MAN2B2: variants seen among roughly 807,000 people sequenced by gnomAD.
The protein encoded by MAN2B2 is mannosidase alpha class 2B member 2, also known as epididymis-specific alpha-mannosidase.
Under a neutral mutation model 117.1 loss-of-function variants are expected in MAN2B2, and 106 were observed. The ratio of observed to expected loss-of-function variants is 0.90; its 90% CI spans 0.77 to 1.06. The LOEUF (loss-of-function observed/expected upper bound fraction) is 1.06. Ranked by LOEUF, MAN2B2 falls within the 50% of genes least tolerant of loss-of-function variation. The pLI is 0.00. For synonymous variants in MAN2B2, 544 were observed against 595.1 expected, an observed-to-expected ratio of 0.91 and a Z score of 1.25; for missense variants, 1,326 against 1,381.4, an observed-to-expected ratio of 0.96 and a Z score of 0.64.
chr4:6,586,773 A>G (rs1039376746), intron 3 of MAN2B2, among the ~76,000 whole-genome samples: 1 of 152,218 alleles, frequency 6.6e-6, no homozygotes. Context: ...ACTTAACTAT[A>G]CACTCACAAA....
intron 3 of MAN2B2, among the ~76,000 whole-genome samples, chr4:6,582,026 G>C (rs755448059): frequency 1.3e-5 from 2 of 152,036 alleles, no homozygotes; most frequent in East Asian, 3.9e-4. Context: ...GATGTTTAGC[G>C]GAGGCCCAGC....
At chr4:6,575,433 G>C in intron 1 of MAN2B2, 85 bp downstream of exon 1, 1 of 1,087,146 alleles carries the variant, frequency 9.2e-7, no homozygotes, top group East Asian at 3.1e-5. Context: ...GCGTCCCGGG[G>C]CCCGATGCCG....
intron 7 of MAN2B2, among the ~76,000 whole-genome samples, chr4:6,595,051 C>T (rs1560647315): frequency 6.6e-6 from 1 of 152,228 alleles, no homozygotes; most frequent in South Asian, 2.1e-4. Flanking sequence ...TCTCTTCCTG[C>T]ATGAGTTCCA....
chr4:6,614,057 T>A (rs1711729607), intron 15 of MAN2B2, among the ~76,000 whole-genome samples, 161 bp from the exon 16 acceptor site: 1 of 152,048 alleles, frequency 6.6e-6, no homozygotes, highest in Non-Finnish European at 1.5e-5. Flanking sequence ...CCTGGGGCAT[T>A]GGGAGCACAA....
rs752519523 is a variant in MAN2B2 at position 6,594,674 on chromosome 4, C to T, written c.999C>T (p.His333=). The T allele has an allele frequency of 1.4e-5, 23 of 1,613,212 alleles. No individual in the cohort carries two copies. Among genetic ancestry groups the T allele is most frequent in the South Asian group, 2.2e-5 (2 of 91,060 alleles). Residue 333 remains histidine, a synonymous_variant, in exon 7 of 19, where the codon CAC becomes CAT. Coordinates refer to ENST00000285599, the MANE Select transcript of MAN2B2 (RefSeq NM_015274.3). Reference sequence around the variant, plus strand: ...TGGGCGACTACTTCCGTGCCCTGCACGCTCTCAATGTCACCTGGCGTGTCC... The same window carrying T: ...TGGGCGACTACTTCCGTGCCCTGCATGCTCTCAATGTCACCTGGCGTGTCC... ...ATLGDYFRAL[H]ALNVTWRVRD...
Position 6,611,007 on chromosome 4 carries a change from G to T in MAN2B2, c.2370+17G>T. On this transcript the variant is annotated intron_variant, in intron 14 of 18. Transcript: ENST00000285599. ...CAGGTGGAGGTAGGAGGCACGGTCTGTCCTACAGCAGCCCCTCGCGGCCCC... is the reference window on the plus strand; with the variant it reads ...CAGGTGGAGGTAGGAGGCACGGTCTTTCCTACAGCAGCCCCTCGCGGCCCC... 1 of 1,613,774 alleles carries T rather than the reference G, an allele frequency of 6.2e-7. No homozygotes were observed. The highest frequency in any genetic ancestry group is 8.5e-7 in the Non-Finnish European group (1 of 1,179,710).
rs1363325768 is a variant in MAN2B2, at chr4:6,610,978, TGG to T, written c.2360_2361del (p.Gly787AlafsTer122). 1.2e-6 allele frequency: 2 copies of T among 1,614,028 alleles called. No individual in the cohort carries two copies. The highest frequency in any genetic ancestry group is 2.7e-5 in the African/African-American group (2 of 74,928). On this transcript the variant is annotated frameshift_variant, in exon 14 of 19. Transcript: ENST00000285599. LOFTEE classifies it high-confidence loss of function. ...RAHGISSQGN[G>X]QVEVMLHRRL... Reference sequence around the variant, plus strand: ...CACATGGCATCTCCAGCCAAGGGAATGGGCAGGTGGAGGTAGGAGGCACGGTC... The same window carrying T: ...CACATGGCATCTCCAGCCAAGGGAATGCAGGTGGAGGTAGGAGGCACGGTC...
At chr4:6,578,132 T>A (rs1392974368) in intron 2 of MAN2B2, among the ~76,000 whole-genome samples, 3 of 152,206 alleles carry the variant, frequency 2.0e-5, no homozygotes, top group African/African-American at 7.2e-5. Context: ...TTTCTAAAGT[T>A]TAGAATTAGT....
chr4:6,613,849 AGAAG>A (rs1168212992), intron 15 of MAN2B2, among the ~76,000 whole-genome samples: 2 of 151,828 alleles, frequency 1.3e-5, no homozygotes, highest in Admixed American at 6.6e-5. Context: ...GGAGGGAGGA[AGAAG>A]GAAGGAAAAA....
chr4:6,597,232 G>T lies in MAN2B2; in HGVS notation c.1177G>T (p.Ala393Ser). The change falls in exon 8 of 19, where the codon GCC becomes TCC. Residue 393 changes from alanine (A) to serine (S), a missense_variant. Ala to Ser is a moderately conservative substitution (Grantham distance 99, BLOSUM62 1). Coordinates refer to ENST00000285599, the MANE Select transcript of MAN2B2 (RefSeq NM_015274.3). ...ESMFTRYLWP[A>S]PRGHLDPTWA... ...CATGTTCACACGCTACCTGTGGCCG[G>T]CCCCCCGTGGGCATCTGGACCCCAC... is the stretch of plus-strand genomic sequence containing the variant. The T allele has an allele frequency of 1.2e-6, 2 of 1,605,272 alleles. No individual in the cohort carries two copies. The highest frequency in any genetic ancestry group is 1.7e-6 in the Non-Finnish European group (2 of 1,175,318).
rs1167538870 is a variant in MAN2B2, at chr4:6,576,667, G to A, written c.228G>A (p.Glu76=). 5 of 1,614,032 alleles carry A rather than the reference G, an allele frequency of 3.1e-6. No individual in the cohort carries two copies. The highest frequency in any genetic ancestry group is 4.2e-6 in the Non-Finnish European group (5 of 1,180,020). The change falls in exon 2 of 19, where the codon GAG becomes GAA. Residue 76 remains glutamate, a synonymous_variant. Transcript: ENST00000285599. The part of the protein sequence containing the change: ...RGQQRRFIAV[E]QEFFRLWWDG... ...AGCAGCGCCGGTTCATCGCTGTGGAGCAGGAGTTTTTCCGGCTGTGGTGGG... is the reference window on the plus strand; with the variant it reads ...AGCAGCGCCGGTTCATCGCTGTGGAACAGGAGTTTTTCCGGCTGTGGTGGG...
At chr4:6,592,688 G>A (rs1726903795) in intron 5 of MAN2B2, among the ~76,000 whole-genome samples, 1 of 152,170 alleles carries the variant, frequency 6.6e-6, no homozygotes, top group African/African-American at 2.4e-5. Flanking sequence ...CTACCCCGAG[G>A]CTGCACAGTG....
rs1165674086 is a variant in MAN2B2 at position 6,610,930 on chromosome 4, GC to G, written c.2311del (p.Val772CysfsTer40). On this transcript the variant is annotated frameshift_variant, in exon 14 of 19. Transcript: ENST00000285599. LOFTEE classifies it high-confidence loss of function. ...SAFMEDGKSR[L>X]VLLSERAHGI... ...CCTTCATGGAGGATGGCAAAAGCAG[GC>G]TTGTGTTGCTGTCGGAGCGGGCACA... is the stretch of plus-strand genomic sequence containing the variant. 1 of 1,614,212 alleles carries G rather than the reference GC, an allele frequency of 6.2e-7. No individual in the cohort carries two copies.
At chr4:6,616,980 A>G (rs1711908265) in intron 16 of MAN2B2, among the ~76,000 whole-genome samples, 1 of 151,996 alleles carries the variant, frequency 6.6e-6, no homozygotes, top group South Asian at 2.1e-4. Flanking sequence ...GGTTTAATGG[A>G]CTCACAGTTC....
chr4:6,619,891 G>A (rs376696266), intron 17 of MAN2B2, 36 bp from the exon 18 acceptor site: 15 of 1,580,890 alleles, frequency 9.5e-6, no homozygotes, highest in South Asian at 2.2e-5. Context: ...CTGGAACTTG[G>A]TGCAGCTCAC....
intron 17 of MAN2B2, chr4:6,618,894 G>A (rs1174412374): frequency 2.0e-5 from 3 of 152,200 alleles, no homozygotes; most frequent in Admixed American, 6.5e-5. Context: ...CTTTCCTCAC[G>A]GTCCCTGGCC....
At chr4:6,615,223 CT>C (rs1711808204) in intron 16 of MAN2B2, among the ~76,000 whole-genome samples, 1 of 152,072 alleles carries the variant, frequency 6.6e-6, no homozygotes, top group African/African-American at 2.4e-5. Context: ...TAGGAAGATC[CT>C]GTGTCTATAA....
intron 18 of MAN2B2, 101 bp downstream of exon 18, chr4:6,620,145 GTGCGACCTTGCGAGGC>G: frequency 1.0e-6 from 1 of 977,866 alleles, no homozygotes; most frequent in Non-Finnish European, 1.5e-6. Flanking sequence ...GTCCCGGCCT[GTGCGACCTTGCGAGGC>G]TGCTTTCCTA....
chr4:6,576,693 A>T lies in MAN2B2; in HGVS notation c.254A>T (p.Asp85Val), dbSNP rs1577267498. The change falls in exon 2 of 19, where the codon GAT (aspartate) becomes GTT (valine). Residue 85 changes from aspartate to valine, a missense_variant. By Grantham distance (152) the Asp-to-Val change is radical (BLOSUM62 -3). Coordinates refer to ENST00000285599, the MANE Select transcript of MAN2B2 (RefSeq NM_015274.3). The stretch of plus-strand genomic sequence containing the variant: ...CAGGAGTTTTTCCGGCTGTGGTGGG[A>T]TGGCGTCGCCTCGGACCAGCAGAAA... Reference protein sequence around the residue: ...VEQEFFRLWWDGVASDQQKYQ... With the variant: ...VEQEFFRLWWVGVASDQQKYQ... 2 of 1,613,932 alleles carry T rather than the reference A, an allele frequency of 1.2e-6. No homozygotes were observed. The highest frequency in any genetic ancestry group is 1.7e-6 in the Non-Finnish European group (2 of 1,179,988).
Sources: gnomAD v4.1 joint callset for allele counts (sites outside exome capture counted in the v4.1 genomes callset) on GRCh38, gnomAD v4.1.1 for gene constraint, MANE v1.5 for transcripts, NCBI Gene and HGNC (gene_info 2026-07-23, HGNC 2026-07-21) for gene names.